Variants in IFT88 observed in about 807,000 individuals in gnomAD.
The protein encoded by IFT88 is intraflagellar transport 88, also known as intraflagellar transport protein 88 homolog.
IFT88 carries 74 observed loss-of-function variants against 119.5 expected under a neutral mutation model. That is an observed-to-expected ratio of 0.62 (90% CI 0.51 to 0.75). The LOEUF is 0.75. IFT88 is among the 30% of genes least tolerant of loss of function. IFT88 has a pLI of 0.00. For synonymous variants in IFT88, 279 were observed against 316.7 expected (o/e 0.88, Z 1.26); for missense variants, 961 against 977.7 (o/e 0.98, Z 0.23).
chr13:20,588,522 C>T (rs947221881), intron 3 of IFT88, among the ~76,000 whole-genome samples: 1 of 152,120 alleles, frequency 6.6e-6, no homozygotes, highest in African/African-American at 2.4e-5. Flanking sequence ...TCTATGTCTG[C>T]ACTACTCAGT....
intron 1 of IFT88, among the ~76,000 whole-genome samples, chr13:20,568,740 C>T (rs1211535985): frequency 1.3e-5 from 2 of 151,732 alleles, no homozygotes; most frequent in Non-Finnish European, 2.9e-5. Context: ...CTTTTTGAGA[C>T]GGAGTCGCAC....
chr13:20,668,172 C>T (rs1171417684), intron 23 of IFT88, among the ~76,000 whole-genome samples: 1 of 152,178 alleles, frequency 6.6e-6, no homozygotes, highest in African/African-American at 2.4e-5. Flanking sequence ...CTGGAATACC[C>T]GGTGGGGCAT....
At chr13:20,643,710 A>G (rs1014808568) in intron 19 of IFT88, 105 bp downstream of exon 19, 61 of 770,786 alleles carry the variant, frequency 7.9e-5, no homozygotes, top group Non-Finnish European at 1.2e-4. Flanking sequence ...CAGTTTTAAA[A>G]TGATTTATTT....
intron 14 of IFT88, 136 bp downstream of exon 14, chr13:20,616,015 G>A (rs1455147478): frequency 6.3e-6 from 3 of 478,194 alleles, no homozygotes; most frequent in Non-Finnish European, 1.1e-5. Context: ...AATATTGTAT[G>A]TTCAGATTAA....
intron 20 of IFT88, among the ~76,000 whole-genome samples, chr13:20,652,131 T>C (rs2051837524): frequency 1.3e-5 from 2 of 152,218 alleles, no homozygotes; most frequent in African/African-American, 4.8e-5. Flanking sequence ...TAAAATGTTT[T>C]GGAGATCGTG....
chr13:20,569,275 C>CAAAATTT (rs1187592637), intron 1 of IFT88, among the ~76,000 whole-genome samples: 1 of 151,830 alleles, frequency 6.6e-6, no homozygotes, highest in African/African-American at 2.4e-5. Flanking sequence ...TGTATATCAT[C>CAAAATTT]AAAATTTAAA....
At chr13:20,642,901 T>C (rs1169221656) in intron 18 of IFT88, 1 of 152,044 alleles carries the variant, frequency 6.6e-6, no homozygotes, top group Non-Finnish European at 1.5e-5. Flanking sequence ...TTGGAATATT[T>C]TCATTTCACT....
chr13:20,683,282 C>G (rs1566479763), intron 24 of IFT88, among the ~76,000 whole-genome samples: 1 of 152,112 alleles, frequency 6.6e-6, no homozygotes, highest in African/African-American at 2.4e-5. Context: ...CAAAAATGAT[C>G]TAAACCCTGA....
chr13:20,691,261 AATT>A lies in IFT88; in HGVS notation c.*90_*92del, dbSNP rs2058439185. Reference sequence around the variant, plus strand: ...ACCTTGGATTAAATATCTAACCTGTAATTATTTTTTTTCACTGTCAAAACTTAA... The same window carrying A: ...ACCTTGGATTAAATATCTAACCTGTAATTTTTTTTCACTGTCAAAACTTAA... On this transcript the variant is annotated 3_prime_UTR_variant, in exon 26 of 26. Coordinates refer to ENST00000351808, the MANE Select transcript of IFT88 (RefSeq NM_006531.5). 7.9e-7 allele frequency: 1 copy of A among 1,259,294 alleles called. No homozygotes were observed. The allele number at this position is 1,259,294 out of a possible 1,614,324, so 78.0% of individuals were successfully genotyped here. A position where few individuals can be genotyped will look rare whatever the true frequency, so the allele number is the denominator to read the frequency against.
intron 14 of IFT88, among the ~76,000 whole-genome samples, chr13:20,620,346 A>G (rs1467917560): frequency 1.3e-5 from 2 of 152,198 alleles, no homozygotes; most frequent in African/African-American, 4.8e-5. Flanking sequence ...GTCTGTTTGT[A>G]GAATCTTTAT....
In IFT88 at chr13:20,601,701, T is replaced by G. The variant is rs1241564512; in HGVS notation, c.813-4T>G. On this transcript the variant is annotated splice_region_variant and splice_polypyrimidine_tract_variant and intron_variant, in intron 11 of 25. Coordinates refer to ENST00000351808, the MANE Select transcript of IFT88 (RefSeq NM_006531.5). ...TAAAGCTAATCCATGTCTTTTTCTT[T>G]TAGGATTAAAATAATGCAGAATATT... 1 of 1,567,900 alleles carries G rather than the reference T, an allele frequency of 6.4e-7. No individual in the cohort carries two copies. The highest frequency in any genetic ancestry group is 8.8e-7 in the Non-Finnish European group (1 of 1,142,368).
intron 13 of IFT88, among the ~76,000 whole-genome samples, chr13:20,611,922 G>A (rs2044622847): frequency 6.6e-6 from 1 of 152,092 alleles, no homozygotes; most frequent in Non-Finnish European, 1.5e-5. Context: ...CACCAGTTCT[G>A]TTCATCATTG....
chr13:20,580,576 AT>A lies in IFT88; in HGVS notation c.91-2375del, dbSNP rs534493426. On this transcript the variant is annotated intron_variant, in intron 2 of 25. Coordinates refer to ENST00000351808, the MANE Select transcript of IFT88 (RefSeq NM_006531.5). ...AAGAAGTATTTTCTCATGATAGGAT[AT>A]TTTTTCCTGTTTTCTGCTATTGTAG... 1.5e-3 allele frequency among the ~76,000 whole-genome samples: 232 copies of A among 152,114 alleles called. 1 individual carries two copies. The highest frequency in any genetic ancestry group is 5.4e-3 in the African/African-American group (226 of 41,472).
chr13:20,630,891 C>A, intron 15 of IFT88, 125 bp from the exon 16 acceptor site: 1 of 541,776 alleles, frequency 1.8e-6, no homozygotes. Context: ...TCTTGAACAT[C>A]TTAATCCACC....
chr13:20,691,204 G>A lies in IFT88; in HGVS notation c.*29G>A. ...TCACTTTAATATTTATTAAAGGAAA[G>A]AAATTGCCTTATGAGATCATCCTCA... On this transcript the variant is annotated 3_prime_UTR_variant, in exon 26 of 26. Coordinates refer to ENST00000351808, the MANE Select transcript of IFT88 (RefSeq NM_006531.5). The A allele has an allele frequency of 1.3e-6, 2 of 1,587,930 alleles. No homozygotes were observed. Among genetic ancestry groups the A allele is most frequent in the South Asian group, 2.3e-5 (2 of 88,036 alleles).
At chr13:20,622,649 G>A (rs910662666) in intron 14 of IFT88, among the ~76,000 whole-genome samples, 1 of 152,092 alleles carries the variant, frequency 6.6e-6, no homozygotes, top group Non-Finnish European at 1.5e-5. Context: ...GTTTGTTCAG[G>A]TCCTTTAACA....
intron 22 of IFT88, among the ~76,000 whole-genome samples, chr13:20,662,216 A>G (rs1021670709): frequency 6.6e-6 from 1 of 152,116 alleles, no homozygotes; most frequent in African/African-American, 2.4e-5. Context: ...AAACTCTAAC[A>G]GACCTGCAGC....
At chr13:20,587,368 G>A (rs527880288) in intron 3 of IFT88, among the ~76,000 whole-genome samples, 1 of 151,670 alleles carries the variant, frequency 6.6e-6, no homozygotes, top group East Asian at 1.9e-4. Flanking sequence ...AGCAATTCTC[G>A]GGCCTCAGCC....
In IFT88 at chr13:20,601,975, T is replaced by C. The variant is rs577853423; in HGVS notation, c.1041+42T>C. ...CATTTCTGTAGCCACTTCCCACTTA[T>C]CTGTGCTTTTCTGTTTTCAGAATGA... is the stretch of plus-strand genomic sequence containing the variant. On this transcript the variant is annotated intron_variant, in intron 12 of 25. Transcript: ENST00000351808. 1.2e-3 allele frequency: 1,325 copies of C among 1,080,146 alleles called. 23 individuals carry two copies. In the South Asian group the frequency reaches 0.018, roughly 15 times the overall value. 66.9% of individuals were successfully genotyped at this position (1,080,146 alleles called of 1,614,324 possible).
Sources: gnomAD v4.1 joint callset for allele counts (sites outside exome capture counted in the v4.1 genomes callset) on GRCh38, gnomAD v4.1.1 for gene constraint, MANE v1.5 for transcripts, NCBI Gene and HGNC (gene_info 2026-07-23, HGNC 2026-07-21) for gene names.